AIRIM: variants seen among roughly 807,000 people sequenced by gnomAD.
AIRIM encodes AFG2-interacting ribosome maturation factor.
chr1:37,687,383 C>T, the AIRIM span, among the ~76,000 whole-genome samples: 5,406 of 151,524 alleles, frequency 0.036, 329 homozygotes, highest in African/African-American at 0.12. Context: ...CCACCTACCT[C>T]GGCCTCCCAA....
the AIRIM span, chr1:37,683,507 G>C: frequency 6.5e-7 from 1 of 1,538,278 alleles, no homozygotes; most frequent in Non-Finnish European, 8.8e-7. Context: ...ACCCTGGTGA[G>C]AACCAGAGGG....
the AIRIM span, among the ~76,000 whole-genome samples, chr1:37,688,957 C>A: frequency 3.0e-3 from 409 of 137,226 alleles, no homozygotes; most frequent in Non-Finnish European, 4.4e-3. Context: ...CAGAGCAAGA[C>A]CCTGTCTCAA....
At chr1:37,683,603 G>GT in the AIRIM span, 1 of 701,716 alleles carries the variant, frequency 1.4e-6, no homozygotes, top group Non-Finnish European at 2.3e-6. Context: ...CTGAGCAACT[G>GT]TTTACTAACA....
chr1:37,689,581 G>T, the AIRIM span: 1 of 1,544,202 alleles, frequency 6.5e-7, no homozygotes, highest in Non-Finnish European at 8.8e-7. Context: ...CTTCCACCAA[G>T]AAACAGCACT....
At chr1:37,689,496 C>T in the AIRIM span, 15 of 1,302,204 alleles carry the variant, frequency 1.2e-5, no homozygotes, top group African/African-American at 1.8e-4. Context: ...GATACCTCCA[C>T]ATGCCACGCT....
the AIRIM span, chr1:37,691,581 C>G: frequency 4.5e-5 from 7 of 156,156 alleles, no homozygotes; most frequent in East Asian, 1.2e-3. Flanking sequence ...GCAATCCAAC[C>G]CTGTGGCCGT....
chr1:37,689,987 CAGG>C, the AIRIM span: 2 of 1,445,148 alleles, frequency 1.4e-6, no homozygotes, highest in Non-Finnish European at 1.8e-6. Context: ...CGTGTTCAGA[CAGG>C]AGTTGTCTCA....
At chr1:37,686,527 T>C in the AIRIM span, 1 of 1,433,378 alleles carries the variant, frequency 7.0e-7, no homozygotes, top group Non-Finnish European at 9.5e-7. Flanking sequence ...TTGGCACTAC[T>C]GATATTTTGG....
the AIRIM span, among the ~76,000 whole-genome samples, chr1:37,687,059 AGTGT>A: frequency 0.11 from 15,839 of 140,488 alleles, 951 homozygotes; most frequent in Non-Finnish European, 0.13. Flanking sequence ...CCGTCTCAAA[AGTGT>A]GTGTGTGTGT....
the AIRIM span, among the ~76,000 whole-genome samples, chr1:37,687,108 G>A: frequency 0.34 from 41,108 of 121,034 alleles, 6,163 homozygotes; most frequent in African/African-American, 0.42. Flanking sequence ...GTGTGTGTGT[G>A]TGTATAGTTT....
At chr1:37,686,830 G>A in the AIRIM span, among the ~76,000 whole-genome samples, 18 of 152,118 alleles carry the variant, frequency 1.2e-4, no homozygotes, top group Non-Finnish European at 2.4e-4. Flanking sequence ...AGCTTTGGGA[G>A]GCTGAGCGGG....
chr1:37,690,417 C>T, the AIRIM span: 1 of 1,263,894 alleles, frequency 7.9e-7, no homozygotes, highest in Non-Finnish European at 1.0e-6. Context: ...GTCTCCCCTG[C>T]CCGAGGCTGC....
chr1:37,689,976 T>G, the AIRIM span: 332 of 1,456,610 alleles, frequency 2.3e-4, no homozygotes, highest in Non-Finnish European at 2.6e-4. Context: ...ATCTCTGTTA[T>G]CGTGTTCAGA....
chr1:37,683,242 C>T, the AIRIM span: 2 of 1,609,490 alleles, frequency 1.2e-6, no homozygotes, highest in Non-Finnish European at 1.7e-6. Context: ...AGGGCACCTT[C>T]CTAATGCTTC....
the AIRIM span, among the ~76,000 whole-genome samples, chr1:37,687,229 G>A: frequency 6.6e-6 from 1 of 151,922 alleles, no homozygotes. Context: ...CCGGGTTCAA[G>A]TGATTCTCCT....
At chr1:37,690,124 C>T in the AIRIM span, 2 of 1,252,060 alleles carry the variant, frequency 1.6e-6, no homozygotes, top group African/African-American at 1.5e-5. Context: ...TCAAGCAATT[C>T]TCCTGCCTCA....
the AIRIM span, chr1:37,690,468 G>T: frequency 7.9e-7 from 1 of 1,258,370 alleles, no homozygotes; most frequent in Non-Finnish European, 1.0e-6. Flanking sequence ...TAAAAGTCCA[G>T]ACAGCCAAAG....
chr1:37,689,468 T>G, the AIRIM span: 1 of 951,342 alleles, frequency 1.1e-6, no homozygotes, highest in South Asian at 2.0e-5. Flanking sequence ...CTGCCCCAGA[T>G]GAAGTAAGGA....
At chr1:37,684,932 T>C in the AIRIM span, among the ~76,000 whole-genome samples, 1 of 151,412 alleles carries the variant, frequency 6.6e-6, no homozygotes, top group African/African-American at 2.4e-5. Flanking sequence ...GCCAAGGAGG[T>C]AGGATCATCA....
Sources: allele counts gnomAD v4.1 joint callset (sites outside exome capture counted in the v4.1 genomes callset), GRCh38; gene constraint gnomAD v4.1.1; transcripts MANE v1.5; gene names NCBI Gene and HGNC (gene_info 2026-07-23, HGNC 2026-07-21).